The following MAPK6 variants were observed in gnomAD, a reference collection of about 807,000 sequenced individuals.
The protein encoded by MAPK6 is mitogen-activated protein kinase 6, also known as ERK-3.
Under a neutral mutation model 59.3 loss-of-function variants are expected in MAPK6, and 19 were observed. That is an observed-to-expected ratio of 0.32 (90% confidence interval 0.22 to 0.47). MAPK6 has a LOEUF of 0.47. MAPK6 is among the 20% of genes least tolerant of loss of function. The pLI, the probability that MAPK6 is intolerant of heterozygous loss-of-function variation, is 1.00. For synonymous variants in MAPK6, 316 were observed against 290.3 expected, an observed-to-expected ratio of 1.09 and a Z score of -0.90; for missense variants, 724 against 847.9, an observed-to-expected ratio of 0.85 and a Z score of 1.81.
intron 1 of MAPK6, among the ~76,000 whole-genome samples, chr15:51,981,366 C>G (rs938357371): frequency 6.6e-6 from 1 of 150,924 alleles, no homozygotes; most frequent in Non-Finnish European, 1.5e-5. Flanking sequence ...CCAGCTACTC[C>G]GGAGGCTGAG....
At chr15:52,054,640 GGA>G (rs966052175) in intron 3 of MAPK6, among the ~76,000 whole-genome samples, 9 of 150,564 alleles carry the variant, frequency 6.0e-5, no homozygotes, top group Non-Finnish European at 1.3e-4. Flanking sequence ...CCCTTTAAAG[GGA>G]GGAGTATCAA....
At chr15:51,978,459 ACT>A (rs1189925366) in intron 1 of MAPK6, among the ~76,000 whole-genome samples, 1 of 151,814 alleles carries the variant, frequency 6.6e-6, no homozygotes, top group African/African-American at 2.4e-5. Context: ...CGGTATCTAA[ACT>A]CTATTACCAC....
chr15:52,037,327 T>C (rs1201906384), intron 1 of MAPK6, among the ~76,000 whole-genome samples: 4 of 152,316 alleles, frequency 2.6e-5, no homozygotes, highest in East Asian at 3.9e-4. Flanking sequence ...TGTGACCTTC[T>C]TCAGACCCTC....
intron 2 of MAPK6, among the ~76,000 whole-genome samples, chr15:51,994,414 A>G (rs779653705): frequency 1.3e-5 from 2 of 152,186 alleles, no homozygotes; most frequent in African/African-American, 2.4e-5. Flanking sequence ...AGACTAGATT[A>G]CAGGCCATTT....
In MAPK6 at chr15:52,044,168, CT is replaced by C. The variant is rs202223637; in HGVS notation, c.-631-1653del. On this transcript the variant is annotated intron_variant, in intron 1 of 5. Coordinates refer to ENST00000261845, the MANE Select transcript of MAPK6 (RefSeq NM_002748.4). ...CTGGTAAGCTACAGAATTTTTAGGACTTTTTTTTTGGGGGGGCGGGCTAGGA... is the reference window on the plus strand; with the variant it reads ...CTGGTAAGCTACAGAATTTTTAGGACTTTTTTTTGGGGGGGCGGGCTAGGA... Among the ~76,000 whole-genome samples the C allele has an allele frequency of 8.4e-4, 126 of 150,526 alleles. 5 individuals are homozygous for C. Among genetic ancestry groups the C allele is most frequent in the South Asian group, 2.1e-3 (10 of 4,732 alleles).
At chr15:52,033,037 A>G (rs1232152481) in intron 1 of MAPK6, among the ~76,000 whole-genome samples, 1 of 152,038 alleles carries the variant, frequency 6.6e-6, no homozygotes, top group Non-Finnish European at 1.5e-5. Context: ...GCTGGTCTTG[A>G]ACTCAAGTGA....
At chr15:52,032,292 G>A (rs148561283) in intron 1 of MAPK6, among the ~76,000 whole-genome samples, 2,525 of 148,788 alleles carry the variant, frequency 0.017, 24 homozygotes, top group Non-Finnish European at 0.025. Context: ...CCTGGTTTAA[G>A]CGATTCTCCT....
rs71130112 is a variant in MAPK6, at chr15:51,984,447, A to ATTTTTTTTTTTTTT, written c.-770+1148_-770+1161dup. ...CAGGCGCCTGCCAACACGCCGGCTA[A>ATTTTTTTTTTTTTT]TTTTTTTTTTTTTTTTTTTTTTTTT... On this transcript the variant is annotated intron_variant, in intron 2 of 7. Coordinates refer to the MAPK6 transcript ENST00000691380. Among the ~76,000 whole-genome samples the ATTTTTTTTTTTTTT allele has an allele frequency of 6.7e-4, 47 of 69,976 alleles. 1 individual carries two copies. Among genetic ancestry groups the ATTTTTTTTTTTTTT allele is most frequent in the African/African-American group, 2.7e-3 (40 of 15,086 alleles). 45.9% of individuals were successfully genotyped at this position (69,976 alleles called of 152,430 possible). A position where few individuals can be genotyped will look rare whatever the true frequency, so the allele number is the denominator to read the frequency against.
chr15:52,007,207 T>C (rs2141828273), intron 3 of MAPK6, among the ~76,000 whole-genome samples: 1 of 152,278 alleles, frequency 6.6e-6, no homozygotes. Flanking sequence ...TGAGGCAGCC[T>C]TGGACACTTA....
chr15:52,050,254 GAACAGATAAATTGGCGTTTTTAATAAAAA>G lies in MAPK6; in HGVS notation c.700+120_700+148del, dbSNP rs2031733732. The G allele has an allele frequency of 3.3e-6, 3 of 908,408 alleles. No individual in the cohort carries two copies. In the East Asian group the frequency reaches 8.7e-5, roughly 26 times the overall value. The allele number at this position is 908,408 out of a possible 1,614,324, so 56.3% of individuals were successfully genotyped here. ...TTGTTATGATCTGTAATACTAAAAT[GAACAGATAAATTGGCGTTTTTAATAAAAA>G]AATTGAGAAAACTTATTCACATATT... On this transcript the variant is annotated intron_variant, in intron 3 of 5. Transcript: ENST00000261845.
At chr15:52,030,912 C>T (rs1269442502) in intron 1 of MAPK6, among the ~76,000 whole-genome samples, 1 of 151,880 alleles carries the variant, frequency 6.6e-6, no homozygotes, top group Non-Finnish European at 1.5e-5. Context: ...GTGCCTCAGC[C>T]TCCTGAGTGG....
chr15:52,054,994 G>A lies in MAPK6; in HGVS notation c.701-3639G>A, dbSNP rs189967536. Among the ~76,000 whole-genome samples, 80 of 152,274 alleles carry A rather than the reference G, an allele frequency of 5.3e-4. 2 individuals carry two copies. In the East Asian group the frequency reaches 7.5e-3, roughly 14 times the overall value. Reference sequence around the variant, plus strand: ...GTAGTTTCACCCTTTTGGCCAGGCCGGTCTCAAATTCCTGACCTCAGGTGA... The same window carrying A: ...GTAGTTTCACCCTTTTGGCCAGGCCAGTCTCAAATTCCTGACCTCAGGTGA... On this transcript the variant is annotated intron_variant, in intron 3 of 5. Transcript: ENST00000261845.
intron 3 of MAPK6, among the ~76,000 whole-genome samples, chr15:52,007,118 C>T (rs2029907841): frequency 6.6e-6 from 1 of 152,162 alleles, no homozygotes; most frequent in Admixed American, 6.5e-5. Flanking sequence ...CTTCCTACCC[C>T]ACTTCCTACC....
chr15:52,004,097 TGA>T (rs1387638485), intron 2 of MAPK6: 1 of 152,246 alleles, frequency 6.6e-6, no homozygotes, highest in Admixed American at 6.5e-5. Flanking sequence ...TGTGGAGATG[TGA>T]GTCTTTACTA....
chr15:52,054,341 C>G (rs1431306601), intron 3 of MAPK6, among the ~76,000 whole-genome samples: 1 of 121,694 alleles, frequency 8.2e-6, no homozygotes, highest in East Asian at 2.8e-4. Flanking sequence ...GCACTCCAGC[C>G]TGGCCAACAG....
At chr15:52,050,707 A>C (rs1048711167) in intron 3 of MAPK6, among the ~76,000 whole-genome samples, 12 of 152,218 alleles carry the variant, frequency 7.9e-5, no homozygotes, top group Non-Finnish European at 1.5e-5. Flanking sequence ...TGATTGCTGG[A>C]ATGGAAGGCA....
rs937743261 is a variant in MAPK6 at position 52,050,751 on chromosome 15, A to C, written c.700+614A>C. 2.6e-5 allele frequency among the ~76,000 whole-genome samples: 4 copies of C among 152,226 alleles called. No homozygotes were observed. In the East Asian group the frequency reaches 7.7e-4, roughly 29 times the overall value. ...TCAAACAGATTTTTCACTATTTAGA[A>C]GTAGCGAAGAATTTTAATTGGGGAA... On this transcript the variant is annotated intron_variant, in intron 3 of 5. Coordinates refer to ENST00000261845, the MANE Select transcript of MAPK6 (RefSeq NM_002748.4).
rs1043704165 is a variant in MAPK6 at position 52,066,792 on chromosome 15, G to GTGTGTGTGTGTA, written c.*1793_*1794insGTGTGTGTGTAT. The GTGTGTGTGTGTA allele has an allele frequency of 4.3e-4, 62 of 144,054 alleles. No individual in the cohort carries two copies. Among genetic ancestry groups the GTGTGTGTGTGTA allele is most frequent in the Non-Finnish European group, 6.4e-4 (42 of 65,934 alleles). 8.9% of individuals were successfully genotyped at this position (144,054 alleles called of 1,614,324 possible). A position where few individuals can be genotyped will look rare whatever the true frequency, so the allele number is the denominator to read the frequency against. On this transcript the variant is annotated 3_prime_UTR_variant, in exon 6 of 6. Transcript: ENST00000261845. ...TGTGTGTGTGTGTGTGTGTGTGTGTGTATATATATTCATTTATTTATTTTC... is the reference window on the plus strand; with the variant it reads ...TGTGTGTGTGTGTGTGTGTGTGTGTGTGTGTGTGTGTATATATATATTCATTTATTTATTTTC...
At chr15:51,984,869 G>A (rs2057185968) in intron 2 of MAPK6, among the ~76,000 whole-genome samples, 1 of 152,182 alleles carries the variant, frequency 6.6e-6, no homozygotes, top group African/African-American at 2.4e-5. Flanking sequence ...TCTGGGAAGT[G>A]AGATTATGGG....
Sources: allele counts gnomAD v4.1 joint callset (sites outside exome capture counted in the v4.1 genomes callset), GRCh38; gene constraint gnomAD v4.1.1; transcripts MANE v1.5; gene names NCBI Gene and HGNC (gene_info 2026-07-23, HGNC 2026-07-21).